The following KLF8 variants were observed in gnomAD, a reference collection of about 807,000 sequenced individuals.
KLF8 encodes KLF transcription factor 8.
A neutral mutation model predicts 18.2 loss-of-function variants in KLF8; 10 were observed. The observed-to-expected ratio is 0.55, with a 90% CI of 0.34 to 0.93. KLF8 has a LOEUF of 0.93. Among genes scored for constraint, KLF8 ranks in the 40% least tolerant of loss-of-function variants. KLF8 has a pLI of 0.02. For missense variants in KLF8, 264 were observed against 277.9 expected (o/e 0.95, Z 0.36); for synonymous variants, 109 against 97.3 (o/e 1.12, Z -0.71).
At chrX:56,033,027 T>A in the KLF8 span, among the ~76,000 whole-genome samples, 1 of 111,823 alleles carries the variant, frequency 8.9e-6, no homozygotes, top group African/African-American at 3.2e-5. Context: ...CATTAACAAA[T>A]AATAATTCTA....
chrX:55,987,326 A>G, the KLF8 span, among the ~76,000 whole-genome samples: 1 of 110,193 alleles, frequency 9.1e-6, no homozygotes. Context: ...CATTAGGTAT[A>G]TCTCCTAATG....
the KLF8 span, among the ~76,000 whole-genome samples, chrX:56,211,244 C>A: frequency 1.8e-5 from 2 of 112,599 alleles, no homozygotes; most frequent in Non-Finnish European, 3.8e-5. Flanking sequence ...TTAGGGGGCA[C>A]CCCAGGCCCA....
At chrX:55,924,762 G>A in the KLF8 span, among the ~76,000 whole-genome samples, 1 of 109,251 alleles carries the variant, frequency 9.2e-6, no homozygotes, top group Non-Finnish European at 1.9e-5. Context: ...TTTCCTAGTG[G>A]AACAAAGTGA....
At chrX:55,991,598 G>C in the KLF8 span, among the ~76,000 whole-genome samples, 1 of 111,293 alleles carries the variant, frequency 9.0e-6, no homozygotes, top group Admixed American at 9.5e-5. Flanking sequence ...TGTTGCTCAC[G>C]CTGGGACCTG....
At chrX:55,939,928 G>A in the KLF8 span, among the ~76,000 whole-genome samples, 65 of 111,878 alleles carry the variant, frequency 5.8e-4, no homozygotes, top group African/African-American at 2.0e-3. Flanking sequence ...TGGATTCACA[G>A]CCGAATTCTA....
chrX:55,931,939 G>A, the KLF8 span, among the ~76,000 whole-genome samples: 126 of 110,270 alleles, frequency 1.1e-3, no homozygotes, highest in South Asian at 2.0e-3. Context: ...TTTCTGTCTC[G>A]TTGGTCTGTC....
the KLF8 span, among the ~76,000 whole-genome samples, chrX:56,180,767 C>T: frequency 9.0e-6 from 1 of 111,660 alleles, no homozygotes; most frequent in Non-Finnish European, 1.9e-5. Flanking sequence ...TATAGTTGTG[C>T]AGTTTCAACT....
chrX:55,909,329 A>G, the KLF8 span, among the ~76,000 whole-genome samples: 1 of 112,787 alleles, frequency 8.9e-6, no homozygotes, highest in African/African-American at 3.2e-5. Context: ...ACCGTGGGCA[A>G]TGTTGCCAAG....
chrX:55,979,910 A>G, the KLF8 span, among the ~76,000 whole-genome samples: 1 of 111,988 alleles, frequency 8.9e-6, no homozygotes, highest in African/African-American at 3.2e-5. Context: ...ATACCAGGAA[A>G]TAGAGTAGGT....
At chrX:56,241,353 G>A (rs752425384) in intron 1 of KLF8, among the ~76,000 whole-genome samples, 1 of 111,332 alleles carries the variant, frequency 9.0e-6, no homozygotes, top group Non-Finnish European at 1.9e-5. Context: ...TTTTAGTAGA[G>A]ATGGCATTTC....
At chrX:56,086,499 T>C in the KLF8 span, among the ~76,000 whole-genome samples, 1 of 110,831 alleles carries the variant, frequency 9.0e-6, no homozygotes, top group African/African-American at 3.3e-5. Context: ...CATTTCTAAA[T>C]ATGAGGAGCT....
the KLF8 span, among the ~76,000 whole-genome samples, chrX:56,129,983 A>G: frequency 9.1e-6 from 1 of 110,386 alleles, no homozygotes; most frequent in East Asian, 2.9e-4. Flanking sequence ...CATGGGTACC[A>G]TACCCCCAAC....
chrX:56,277,213 TG>T (rs1411576715), intron 5 of KLF8, among the ~76,000 whole-genome samples: 3 of 111,811 alleles, frequency 2.7e-5, no homozygotes, highest in African/African-American at 9.8e-5. Flanking sequence ...TCTTGATGCT[TG>T]TAGATATTCA....
the KLF8 span, among the ~76,000 whole-genome samples, chrX:56,136,592 C>A: frequency 2.7e-5 from 3 of 111,362 alleles, no homozygotes; most frequent in South Asian, 1.1e-3. Context: ...ACACCTTATA[C>A]AAAAATCAAT....
chrX:56,135,416 T>C, the KLF8 span, among the ~76,000 whole-genome samples: 2 of 110,247 alleles, frequency 1.8e-5, no homozygotes, highest in East Asian at 5.7e-4. Flanking sequence ...ATGGATGAAA[T>C]TGGAAACCAT....
At chrX:56,015,417 C>T in the KLF8 span, among the ~76,000 whole-genome samples, 1 of 111,961 alleles carries the variant, frequency 8.9e-6, no homozygotes, top group Non-Finnish European at 1.9e-5. Context: ...AAAATAACAT[C>T]GCATTTTTGT....
the KLF8 span, among the ~76,000 whole-genome samples, chrX:56,188,999 CA>C: frequency 6.3e-5 from 7 of 111,642 alleles, no homozygotes; most frequent in African/African-American, 2.3e-4. Context: ...GCAATGGCAA[CA>C]AAAGCAAAAA....
the KLF8 span, among the ~76,000 whole-genome samples, chrX:55,909,952 T>C: frequency 8.9e-6 from 1 of 112,182 alleles, no homozygotes; most frequent in Admixed American, 9.4e-5. Context: ...GTCTCTCTTA[T>C]GTTTCTGCAC....
the KLF8 span, among the ~76,000 whole-genome samples, chrX:56,157,466 C>A: frequency 3.6e-5 from 4 of 111,190 alleles, no homozygotes; most frequent in Non-Finnish European, 7.5e-5. Context: ...AATCGCCACA[C>A]TGACTTCCAT....
Sources: allele counts gnomAD v4.1 joint callset (sites outside exome capture counted in the v4.1 genomes callset), GRCh38; gene constraint gnomAD v4.1.1; transcripts MANE v1.5; gene names NCBI Gene and HGNC (gene_info 2026-07-23, HGNC 2026-07-21).